Variants in DCTN6 observed in about 807,000 individuals in gnomAD.
DCTN6 encodes dynactin 6.
A neutral mutation model predicts 25.8 loss-of-function variants in DCTN6; 15 were observed. The ratio of observed to expected loss-of-function variants is 0.58; its 90% CI spans 0.39 to 0.89. The LOEUF is 0.89. Among genes scored for constraint, DCTN6 ranks in the 40% least tolerant of loss-of-function variants. The pLI, the probability that DCTN6 is intolerant of heterozygous loss-of-function variation, is 0.00. For missense variants in DCTN6, 198 were observed against 237.6 expected, an observed-to-expected ratio of 0.83 and a Z score of 1.09; for synonymous variants, 64 against 78.3, an observed-to-expected ratio of 0.82 and a Z score of 0.96.
At chr8:30,157,876 T>G (rs542954190) in intron 1 of DCTN6, among the ~76,000 whole-genome samples, 8 of 152,244 alleles carry the variant, frequency 5.3e-5, no homozygotes, top group Non-Finnish European at 8.8e-5. Flanking sequence ...TAATCTTTTT[T>G]CATAAGCTAA....
rs2117604054 is a variant in DCTN6 at position 30,183,394 on chromosome 8, TAC to T, written c.*223_*224del. On this transcript the variant is annotated 3_prime_UTR_variant, in exon 7 of 7. Transcript: ENST00000221114. ...TATCCTTGGTTCTTTTCTGATAATT[TAC>T]AGATTTAGCTTTTCTTTTGTTATAT... 1 of 351,192 alleles carries T rather than the reference TAC, an allele frequency of 2.8e-6. No homozygotes were observed. The highest frequency in any genetic ancestry group is 5.2e-5 in the East Asian group (1 of 19,220). The allele number at this position is 351,192 out of a possible 1,614,324, so 21.8% of individuals were successfully genotyped here.
At chr8:30,176,775 A>C (rs1421383384) in intron 3 of DCTN6, 1 of 215,814 alleles carries the variant, frequency 4.6e-6, no homozygotes. Flanking sequence ...GATCAGTTCG[A>C]GACCAGCCTG....
chr8:30,168,121 T>G (rs1803707969), intron 2 of DCTN6, among the ~76,000 whole-genome samples: 1 of 152,186 alleles, frequency 6.6e-6, no homozygotes, highest in Admixed American at 6.5e-5. Context: ...GCTCAAATAC[T>G]GAGGAGAAAA....
chr8:30,172,550 A>G (rs979282726), intron 2 of DCTN6, among the ~76,000 whole-genome samples: 10 of 152,046 alleles, frequency 6.6e-5, no homozygotes, highest in Non-Finnish European at 1.3e-4. Context: ...TTCCAGGTTC[A>G]AGCGATCCTC....
chr8:30,178,229 C>T (rs1336810751), intron 4 of DCTN6, among the ~76,000 whole-genome samples: 2 of 151,904 alleles, frequency 1.3e-5, no homozygotes, highest in South Asian at 2.1e-4. Context: ...TTTGGGAGGC[C>T]GAGGCGGGCA....
chr8:30,166,499 A>G (rs1803678032), intron 2 of DCTN6, among the ~76,000 whole-genome samples: 1 of 152,116 alleles, frequency 6.6e-6, no homozygotes, highest in Non-Finnish European at 1.5e-5. Flanking sequence ...TAAGATAGGT[A>G]TGTAGATAGT....
chr8:30,165,815 C>T, intron 2 of DCTN6: 1 of 151,260 alleles, frequency 6.6e-6, no homozygotes, highest in South Asian at 2.1e-4. Context: ...GAGCCGAGAT[C>T]GCGCCGTTGC....
At chr8:30,168,755 C>G (rs1217328310) in intron 2 of DCTN6, among the ~76,000 whole-genome samples, 1 of 152,184 alleles carries the variant, frequency 6.6e-6, no homozygotes, top group African/African-American at 2.4e-5. Context: ...GAAGTATGGT[C>G]CTTAACCAGA....
chr8:30,157,085 A>G (rs2134558), intron 1 of DCTN6, among the ~76,000 whole-genome samples: 7,736 of 152,248 alleles, frequency 0.051, 712 homozygotes, highest in African/African-American at 0.18. Context: ...TTCAGCCCTC[A>G]AACCCCTCCT....
chr8:30,161,763 T>C (rs1803599568), intron 1 of DCTN6, among the ~76,000 whole-genome samples: 1 of 151,572 alleles, frequency 6.6e-6, no homozygotes, highest in African/African-American at 2.4e-5. Flanking sequence ...TTTTTTTTTT[T>C]TTGAGACAGA....
intron 4 of DCTN6, among the ~76,000 whole-genome samples, chr8:30,178,445 G>T (rs964813163): frequency 1.4e-5 from 2 of 139,662 alleles, no homozygotes; most frequent in South Asian, 4.5e-4. Flanking sequence ...CCTGGGCAAT[G>T]AGCGAAACTC....
intron 2 of DCTN6, among the ~76,000 whole-genome samples, chr8:30,174,427 T>C (rs1301696298): frequency 6.6e-6 from 1 of 151,966 alleles, no homozygotes; most frequent in Non-Finnish European, 1.5e-5. Context: ...TTGCTTCCTG[T>C]GTTCACATGA....
At chr8:30,177,750 G>T (rs371002479) in intron 4 of DCTN6, among the ~76,000 whole-genome samples, 37 of 152,168 alleles carry the variant, frequency 2.4e-4, no homozygotes, top group African/African-American at 8.7e-4. Flanking sequence ...AATAAAAGTA[G>T]GTCATCTAGC....
intron 1 of DCTN6, among the ~76,000 whole-genome samples, chr8:30,163,758 A>C (rs1442758929): frequency 2.0e-5 from 3 of 148,784 alleles, no homozygotes; most frequent in Non-Finnish European, 4.4e-5. Flanking sequence ...GCTTGAGTGC[A>C]ATGGCGCGAT....
rs1170676119 is a variant in DCTN6, at chr8:30,174,943, T to C, written c.89-142T>C. ...TGATGATAAAGCCTGGGAGATAGTA[T>C]CTGTGAAGTACCTAGCTTGGTGCCT... On this transcript the variant is annotated intron_variant, in intron 2 of 6. Transcript: ENST00000221114. The C allele has an allele frequency of 7.3e-6, 5 of 686,090 alleles. No homozygotes were observed. The South Asian group carries it at 9.3e-5, about 13-fold the overall frequency. 42.5% of individuals were successfully genotyped at this position (686,090 alleles called of 1,614,324 possible).
intron 6 of DCTN6, among the ~76,000 whole-genome samples, chr8:30,182,286 A>G (rs1471824338): frequency 1.3e-5 from 2 of 152,200 alleles, no homozygotes; most frequent in Non-Finnish European, 2.9e-5. Flanking sequence ...CTAAAAATCT[A>G]TATTTTTCAC....
intron 1 of DCTN6, among the ~76,000 whole-genome samples, chr8:30,158,884 C>T (rs1271304178): frequency 6.7e-6 from 1 of 150,014 alleles, no homozygotes; most frequent in African/African-American, 2.5e-5. Context: ...TGGGTTCAAG[C>T]GATCATCCTG....
chr8:30,183,018 T>C (rs56302321), intron 6 of DCTN6, 57 bp from the exon 7 acceptor site: 174,730 of 1,462,698 alleles, frequency 0.12, 16,687 homozygotes, highest in East Asian at 0.51. Flanking sequence ...CTGGTTGCTG[T>C]GTGGTACTCT....
chr8:30,179,461 C>T lies in DCTN6; in HGVS notation c.331+6C>T. Reference sequence around the variant, plus strand: ...TAATGTCATTGAATCAAAAGGTAAGCTACATTCAGAGTTTCATTGTCAAAG... The same window carrying T: ...TAATGTCATTGAATCAAAAGGTAAGTTACATTCAGAGTTTCATTGTCAAAG... On this transcript the variant is annotated splice_donor_region_variant and intron_variant, in intron 5 of 6. Transcript: ENST00000221114. 2 of 1,610,160 alleles carry T rather than the reference C, an allele frequency of 1.2e-6. No individual in the cohort carries two copies. The highest frequency in any genetic ancestry group is 1.7e-6 in the Non-Finnish European group (2 of 1,177,924).
Sources: allele counts gnomAD v4.1 joint callset (sites outside exome capture counted in the v4.1 genomes callset), GRCh38; gene constraint gnomAD v4.1.1; transcripts MANE v1.5; gene names NCBI Gene and HGNC (gene_info 2026-07-23, HGNC 2026-07-21).